GPC6: variants seen among roughly 807,000 people sequenced by gnomAD.
GPC6 encodes glypican-6.
A neutral mutation model predicts 55.2 loss-of-function variants in GPC6; 14 were observed. The ratio of observed to expected loss-of-function variants is 0.25; its 90% CI spans 0.17 to 0.40. GPC6 has a LOEUF of 0.40. Ranked by LOEUF, GPC6 falls within the 10% of genes least tolerant of loss-of-function variation. GPC6 has a pLI of 1.00. For missense variants in GPC6, 641 were observed against 708.5 expected, an observed-to-expected ratio of 0.90 and a Z score of 1.08; for synonymous variants, 278 against 259.6, an observed-to-expected ratio of 1.07 and a Z score of -0.68.
chr13:93,920,981 A>C (rs1877538644), intron 3 of GPC6, among the ~76,000 whole-genome samples: 3 of 152,174 alleles, frequency 2.0e-5, no homozygotes, highest in African/African-American at 7.2e-5. Context: ...AATGCAGCCC[A>C]CAGTGCAAAT....
chr13:93,572,233 G>C (rs1018566772), intron 2 of GPC6, among the ~76,000 whole-genome samples: 2 of 152,166 alleles, frequency 1.3e-5, no homozygotes, highest in Non-Finnish European at 2.9e-5. Flanking sequence ...TATAGGTTGG[G>C]AGTTTATGAC....
chr13:93,546,232 G>A (rs866592217), intron 2 of GPC6, among the ~76,000 whole-genome samples: 10 of 152,120 alleles, frequency 6.6e-5, no homozygotes, highest in Admixed American at 2.6e-4. Flanking sequence ...TTTTGGCTCC[G>A]TTGGTCCTAC....
chr13:93,995,104 A>C (rs1881477029), intron 3 of GPC6, among the ~76,000 whole-genome samples: 2 of 152,090 alleles, frequency 1.3e-5, no homozygotes, highest in Non-Finnish European at 2.9e-5. Flanking sequence ...TGGCCCCTGC[A>C]TACCTTTCCT....
chr13:94,231,283 G>A (rs530212790), intron 4 of GPC6, among the ~76,000 whole-genome samples: 16 of 152,102 alleles, frequency 1.1e-4, no homozygotes, highest in Non-Finnish European at 2.4e-4. Flanking sequence ...ACAGCTCCCC[G>A]CTGTGAAGCC....
At chr13:93,830,131 A>C (rs1887426962) in intron 2 of GPC6, 23 bp from the exon 3 acceptor site, 1 of 1,591,740 alleles carries the variant, frequency 6.3e-7, no homozygotes, top group Non-Finnish European at 8.6e-7. Flanking sequence ...TTAATTTATG[A>C]CTTCTTTCTG....
chr13:93,817,245 AATCC>A (rs1886885757), intron 2 of GPC6, among the ~76,000 whole-genome samples: 1 of 152,224 alleles, frequency 6.6e-6, no homozygotes, highest in South Asian at 2.1e-4. Flanking sequence ...TTAATATAAG[AATCC>A]CTTGGAATAG....
rs553234533 is a variant in GPC6 at position 93,785,889 on chromosome 13, G to A, written c.320-44265G>A. Among the ~76,000 whole-genome samples, 16 of 152,214 alleles carry A rather than the reference G, an allele frequency of 1.1e-4. No homozygotes were observed. In the East Asian group the frequency reaches 3.1e-3, roughly 29 times the overall value. On this transcript the variant is annotated intron_variant, in intron 2 of 8. Coordinates refer to ENST00000377047, the MANE Select transcript of GPC6 (RefSeq NM_005708.5). ...AAGTGAAAGGATTGCTTGAGCCCAG[G>A]AGGTCAAGGCTGCAGTAAGTCATGA...
At chr13:94,329,355 C>G (rs1216539176) in intron 6 of GPC6, among the ~76,000 whole-genome samples, 1 of 152,148 alleles carries the variant, frequency 6.6e-6, no homozygotes, top group African/African-American at 2.4e-5. Flanking sequence ...ACCCTGGGCC[C>G]CTCACATCTT....
At chr13:94,380,269 A>T (rs1254815532) in intron 6 of GPC6, among the ~76,000 whole-genome samples, 1 of 152,250 alleles carries the variant, frequency 6.6e-6, no homozygotes, top group Non-Finnish European at 1.5e-5. Flanking sequence ...TTTCTGAACC[A>T]GATATAAATA....
At chr13:94,017,769 C>T (rs1292157429) in intron 3 of GPC6, among the ~76,000 whole-genome samples, 1 of 152,060 alleles carries the variant, frequency 6.6e-6, no homozygotes, top group Non-Finnish European at 1.5e-5. Flanking sequence ...ACCTCTGCCT[C>T]CCAAGTTCAA....
At chr13:94,344,609 A>G (rs1287420677) in intron 6 of GPC6, among the ~76,000 whole-genome samples, 1 of 152,272 alleles carries the variant, frequency 6.6e-6, no homozygotes, top group African/African-American at 2.4e-5. Flanking sequence ...AAATGAGTCA[A>G]GGACATGTCT....
At chr13:93,919,894 C>A (rs894228718) in intron 3 of GPC6, among the ~76,000 whole-genome samples, 2 of 152,206 alleles carry the variant, frequency 1.3e-5, no homozygotes, top group Non-Finnish European at 2.9e-5. Context: ...TTTCTTGCTG[C>A]GTAGACTTGC....
chr13:93,871,350 C>T (rs1003665596), intron 3 of GPC6, among the ~76,000 whole-genome samples: 1 of 151,894 alleles, frequency 6.6e-6, no homozygotes, highest in African/African-American at 2.4e-5. Flanking sequence ...TTGATCTTAG[C>T]CTATTAATTA....
chr13:94,179,930 G>A (rs572760013), intron 4 of GPC6, among the ~76,000 whole-genome samples: 11 of 152,160 alleles, frequency 7.2e-5, no homozygotes, highest in South Asian at 4.1e-4. Context: ...GTTGCTATTC[G>A]TATTCAAAGA....
chr13:93,586,669 G>C (rs559228359), intron 2 of GPC6, among the ~76,000 whole-genome samples: 34 of 152,258 alleles, frequency 2.2e-4, no homozygotes, highest in African/African-American at 7.9e-4. Flanking sequence ...AACCCTGGGA[G>C]ACAACCTATA....
chr13:94,263,081 T>TA (rs1891701022), intron 4 of GPC6, among the ~76,000 whole-genome samples: 1 of 152,216 alleles, frequency 6.6e-6, no homozygotes, highest in Non-Finnish European at 1.5e-5. Context: ...TGTTGTCTCA[T>TA]TTAACCTTCT....
At chr13:93,988,926 C>T (rs1013117567) in intron 3 of GPC6, among the ~76,000 whole-genome samples, 1 of 152,010 alleles carries the variant, frequency 6.6e-6, no homozygotes, top group Non-Finnish European at 1.5e-5. Flanking sequence ...TAGATAGATA[C>T]ATAGATACAC....
intron 4 of GPC6, among the ~76,000 whole-genome samples, chr13:94,030,260 C>T (rs939889805): frequency 5.3e-5 from 8 of 152,086 alleles, no homozygotes; most frequent in South Asian, 2.1e-4. Flanking sequence ...CTGCCCGCCT[C>T]GGCCTCCCAA....
chr13:93,323,258 A>T (rs1189054713), intron 1 of GPC6, among the ~76,000 whole-genome samples: 1 of 152,192 alleles, frequency 6.6e-6, no homozygotes, highest in Non-Finnish European at 1.5e-5. Flanking sequence ...TAGTTAAGAA[A>T]TTTACGATAG....
Sources: allele counts gnomAD v4.1 joint callset (sites outside exome capture counted in the v4.1 genomes callset), GRCh38; gene constraint gnomAD v4.1.1; transcripts MANE v1.5; gene names NCBI Gene and HGNC (gene_info 2026-07-23, HGNC 2026-07-21).